ADD1: variants seen among roughly 807,000 people sequenced by gnomAD.
ADD1 encodes alpha-adducin.
ADD1 carries 24 observed loss-of-function variants against 80.5 expected under a neutral mutation model. That is an observed-to-expected ratio of 0.30 (90% CI 0.22 to 0.42). The LOEUF is 0.42. Among genes scored for constraint, ADD1 ranks in the 10% least tolerant of loss-of-function variants. ADD1 has a pLI of 1.00. For synonymous variants in ADD1, 373 were observed against 393.8 expected (o/e 0.95, Z 0.63); for missense variants, 948 against 1,019.0 (o/e 0.93, Z 0.95).
intron 6 of ADD1, 123 bp downstream of exon 6, chr4:2,894,854 A>G: frequency 2.7e-6 from 3 of 1,101,124 alleles, no homozygotes; most frequent in Non-Finnish European, 3.7e-6. Flanking sequence ...AATATAAAAA[A>G]AAAGGTGTAC....
intron 1 of ADD1, among the ~76,000 whole-genome samples, chr4:2,866,350 A>G (rs1729551511): frequency 2.6e-5 from 4 of 152,106 alleles, no homozygotes; most frequent in Admixed American, 6.5e-5. Flanking sequence ...GTGTGTGTGT[A>G]TTTTTAGTAC....
chr4:2,917,398 T>C (rs1013291428), intron 14 of ADD1, among the ~76,000 whole-genome samples: 1 of 152,246 alleles, frequency 6.6e-6, no homozygotes, highest in Non-Finnish European at 1.5e-5. Context: ...TCTTGTAAAC[T>C]TGTTTAAGTT....
chr4:2,916,065 G>T (rs1271374081), intron 14 of ADD1, among the ~76,000 whole-genome samples: 1 of 152,054 alleles, frequency 6.6e-6, no homozygotes, highest in Non-Finnish European at 1.5e-5. Context: ...GGAGGGCATT[G>T]GTCCTTCTCC....
chr4:2,913,735 C>T (rs1738475537), intron 13 of ADD1, among the ~76,000 whole-genome samples: 1 of 151,980 alleles, frequency 6.6e-6, no homozygotes, highest in Non-Finnish European at 1.5e-5. Context: ...CCCGAGTCAG[C>T]CCAGCTAGGA....
rs1013982951 is a variant in ADD1 at position 2,926,561 on chromosome 4, C to A, written c.2047+449C>A. ...TGAAGCCCGTGGCCCTGCCTTTCTTCTTCTGTAACCTGATGGCTGTGACTG... is the reference window on the plus strand; with the variant it reads ...TGAAGCCCGTGGCCCTGCCTTTCTTATTCTGTAACCTGATGGCTGTGACTG... On this transcript the variant is annotated intron_variant, in intron 15 of 15. Transcript: ENST00000683351. This position sits in a 1 kb window ranked among gnomAD's most constrained non-coding sequence, Gnocchi z 5.0. The A allele has an allele frequency of 3.3e-6, 5 of 1,533,260 alleles. No individual in the cohort carries two copies. In the South Asian group the frequency reaches 3.5e-5, roughly 11 times the overall value. 95.0% of individuals were successfully genotyped at this position (1,533,260 alleles called of 1,614,324 possible). A position where few individuals can be genotyped will look rare whatever the true frequency, so the allele number is the denominator to read the frequency against.
chr4:2,926,135 C>T lies in ADD1; in HGVS notation c.2047+23C>T, dbSNP rs374946303. 1.1e-4 allele frequency: 182 copies of T among 1,604,656 alleles called. No individual in the cohort carries two copies. In the African/African-American group the frequency reaches 1.4e-3, roughly 12 times the overall value. ...AAGGTGAGCTCTGGGTGGCAGCGGCCGCCACTGTGGGAGGGTGCACGGCTC... is the reference window on the plus strand; with the variant it reads ...AAGGTGAGCTCTGGGTGGCAGCGGCTGCCACTGTGGGAGGGTGCACGGCTC... On this transcript the variant is annotated intron_variant, in intron 15 of 15. Coordinates refer to ENST00000683351, the MANE Select transcript of ADD1 (RefSeq NM_001354761.2). The surrounding 1 kb of genome is among the most constrained non-coding windows in gnomAD (Gnocchi z 5.0).
chr4:2,847,963 C>G lies in ADD1; in HGVS notation c.-21+3939C>G, dbSNP rs192110598. Among the ~76,000 whole-genome samples the G allele has an allele frequency of 9.9e-4, 150 of 152,186 alleles. 1 individual carries two copies. Among genetic ancestry groups the G allele is most frequent in the Admixed American group, 3.5e-3 (54 of 15,284 alleles). On this transcript the variant is annotated intron_variant, in intron 1 of 15. Transcript: ENST00000683351. ...GGCATGGTGGCTCACGTCTGTAATC[C>G]CAGCACTTTGGGAGGCCGAGGCAGG...
intron 14 of ADD1, among the ~76,000 whole-genome samples, chr4:2,916,869 C>T (rs992088023): frequency 6.6e-6 from 1 of 152,218 alleles, no homozygotes; most frequent in Non-Finnish European, 1.5e-5. Context: ...ATGAACTCAT[C>T]CTTTTTTATG....
In ADD1 at chr4:2,929,084, C is replaced by G. The variant is rs371401014; in HGVS notation, c.*561C>G. ...CTGGGCCAGATGCTGGGCAGGAAACCCCAGCGGCAGATGGGCCTGTGTGCA... is the reference window on the plus strand; with the variant it reads ...CTGGGCCAGATGCTGGGCAGGAAACGCCAGCGGCAGATGGGCCTGTGTGCA... On this transcript the variant is annotated 3_prime_UTR_variant, in exon 16 of 16. Coordinates refer to ENST00000683351, the MANE Select transcript of ADD1 (RefSeq NM_001354761.2). 2 of 153,200 alleles carry G rather than the reference C, an allele frequency of 1.3e-5. No homozygotes were observed. Among genetic ancestry groups the G allele is most frequent in the South Asian group, 2.0e-4 (1 of 4,912 alleles). The allele number at this position is 153,200 out of a possible 1,614,324, so 9.5% of individuals were successfully genotyped here. A position where few individuals can be genotyped will look rare whatever the true frequency, so the allele number is the denominator to read the frequency against.
At chr4:2,886,877 T>A (rs975850697) in intron 4 of ADD1, among the ~76,000 whole-genome samples, 2 of 152,196 alleles carry the variant, frequency 1.3e-5, no homozygotes, top group African/African-American at 4.8e-5. Flanking sequence ...TGCTAAGTGG[T>A]TGCCTGAAGA....
At chr4:2,897,793 A>G (rs1266904716) in intron 6 of ADD1, among the ~76,000 whole-genome samples, 1 of 152,090 alleles carries the variant, frequency 6.6e-6, no homozygotes, top group Non-Finnish European at 1.5e-5. Flanking sequence ...GAGTGTTGGG[A>G]TTACAGGTGT....
intron 5 of ADD1, among the ~76,000 whole-genome samples, 163 bp from the exon 6 acceptor site, chr4:2,894,419 A>G (rs1734807639): frequency 6.7e-6 from 1 of 150,010 alleles, no homozygotes; most frequent in African/African-American, 2.5e-5. Context: ...TTAGCTGGGC[A>G]TGGTGGTGGG....
chr4:2,916,323 G>T (rs1739063458), intron 14 of ADD1, among the ~76,000 whole-genome samples: 1 of 151,824 alleles, frequency 6.6e-6, no homozygotes, highest in African/African-American at 2.4e-5. Context: ...AGCCTCCCGA[G>T]TAGCTGGGAC....
At chr4:2,879,630 C>CT (rs914908325) in intron 2 of ADD1, among the ~76,000 whole-genome samples, 15 of 149,582 alleles carry the variant, frequency 1.0e-4, no homozygotes, top group African/African-American at 2.2e-4. Context: ...TACTCTCTCT[C>CT]TTTTTTTTTT....
At chr4:2,894,393 CA>C (rs1408409907) in intron 5 of ADD1, among the ~76,000 whole-genome samples, 188 bp from the exon 6 acceptor site, 2 of 149,718 alleles carry the variant, frequency 1.3e-5, no homozygotes, top group Non-Finnish European at 3.0e-5. Flanking sequence ...CCCAACTCTA[CA>C]AAAAAATACC....
chr4:2,885,794 T>C (rs902812182), intron 4 of ADD1, among the ~76,000 whole-genome samples: 1 of 151,974 alleles, frequency 6.6e-6, no homozygotes, highest in Non-Finnish European at 1.5e-5. Flanking sequence ...GTATTTTTAG[T>C]AGAGACGGGG....
intron 15 of ADD1, among the ~76,000 whole-genome samples, chr4:2,927,643 C>T (rs1260126548): frequency 6.6e-6 from 1 of 152,242 alleles, no homozygotes; most frequent in Non-Finnish European, 1.5e-5. Context: ...CATCTCTTTC[C>T]TTTTAATTAA....
chr4:2,852,658 C>G (rs1314772006), intron 1 of ADD1, among the ~76,000 whole-genome samples: 7 of 101,650 alleles, frequency 6.9e-5, no homozygotes, highest in Admixed American at 3.5e-4. Flanking sequence ...ATTTTCTGTA[C>G]TAGGTGTTTT....
intron 13 of ADD1, among the ~76,000 whole-genome samples, chr4:2,912,293 TTG>T (rs1408764822): frequency 6.6e-6 from 1 of 152,198 alleles, no homozygotes; most frequent in Non-Finnish European, 1.5e-5. Context: ...ATCTCAGTCA[TTG>T]CTCTGTGTCC....
Sources: gnomAD v4.1 joint callset for allele counts (sites outside exome capture counted in the v4.1 genomes callset) on GRCh38, gnomAD v4.1.1 for gene constraint, Gnocchi (gnomAD v3.1) non-coding constraint, MANE v1.5 for transcripts, NCBI Gene and HGNC (gene_info 2026-07-23, HGNC 2026-07-21) for gene names.